Variants in CADPS2 observed in about 807,000 individuals in gnomAD.
CADPS2 encodes the protein calcium dependent secretion activator 2.
In CADPS2, 93 loss-of-function variants were observed where a neutral mutation model predicts 172.5. That is an observed-to-expected ratio of 0.54 (90% CI 0.46 to 0.64). The LOEUF (loss-of-function observed/expected upper bound fraction) is 0.64. Ranked by LOEUF, CADPS2 falls within the 30% of genes least tolerant of loss-of-function variation. CADPS2 has a pLI of 0.00. For missense variants in CADPS2, 1,420 were observed against 1,565.9 expected (o/e 0.91, Z 1.57); for synonymous variants, 546 against 555.2 (o/e 0.98, Z 0.23).
At chr7:122,386,326 G>T in intron 24 of CADPS2, 1 of 1,416,954 alleles carries the variant, frequency 7.1e-7, no homozygotes, top group Non-Finnish European at 9.3e-7. Flanking sequence ...CATGCCATGG[G>T]TGGAAAAAAA....
At chr7:122,519,619 T>C (rs2060628198) in intron 8 of CADPS2, among the ~76,000 whole-genome samples, 1 of 151,984 alleles carries the variant, frequency 6.6e-6, no homozygotes. Context: ...CACAACTGAT[T>C]GCTAGGAAAC....
At chr7:122,732,970 A>T (rs2091830753) in intron 2 of CADPS2, among the ~76,000 whole-genome samples, 1 of 147,030 alleles carries the variant, frequency 6.8e-6, no homozygotes, top group South Asian at 2.2e-4. Context: ...CAGCTAAAGG[A>T]TTGTAAACAT....
intron 1 of CADPS2, among the ~76,000 whole-genome samples, chr7:122,797,617 T>C (rs774996813): frequency 6.6e-6 from 1 of 152,180 alleles, no homozygotes; most frequent in Non-Finnish European, 1.5e-5. Flanking sequence ...AATACCACGT[T>C]ATCATTTATA....
chr7:122,536,678 T>C (rs1347573535), intron 8 of CADPS2, among the ~76,000 whole-genome samples: 10 of 152,066 alleles, frequency 6.6e-5, no homozygotes, highest in African/African-American at 1.4e-4. Context: ...TCTTTTTATA[T>C]GAATGGGATG....
At chr7:122,321,150 CATTG>C (rs910212286) in intron 29 of CADPS2, among the ~76,000 whole-genome samples, 3 of 152,102 alleles carry the variant, frequency 2.0e-5, no homozygotes, top group African/African-American at 7.2e-5. Flanking sequence ...CTTATGTTTA[CATTG>C]ATTGATTGAT....
At chr7:122,778,947 G>A (rs192778585) in intron 1 of CADPS2, among the ~76,000 whole-genome samples, 15 of 152,268 alleles carry the variant, frequency 9.9e-5, no homozygotes, top group African/African-American at 3.4e-4. Context: ...GACCTGGTAG[G>A]AAGTAATTGA....
intron 1 of CADPS2, among the ~76,000 whole-genome samples, chr7:122,768,577 T>C (rs1003091206): frequency 1.3e-5 from 2 of 152,128 alleles, no homozygotes; most frequent in African/African-American, 2.4e-5. Flanking sequence ...ACTTTCTAAA[T>C]TGAAAACAAA....
At chr7:122,672,347 G>A (rs2081953502) in intron 2 of CADPS2, among the ~76,000 whole-genome samples, 1 of 152,140 alleles carries the variant, frequency 6.6e-6, no homozygotes, top group Non-Finnish European at 1.5e-5. Flanking sequence ...TGGGACCCAG[G>A]ATTCTCAGTG....
At chr7:122,814,753 A>C (rs1222442073) in intron 1 of CADPS2, among the ~76,000 whole-genome samples, 4 of 152,120 alleles carry the variant, frequency 2.6e-5, no homozygotes, top group African/African-American at 9.7e-5. Context: ...ACATACATTA[A>C]ATTGAATCCG....
At chr7:122,394,611 G>T (rs1178728669) in intron 20 of CADPS2, among the ~76,000 whole-genome samples, 1 of 151,872 alleles carries the variant, frequency 6.6e-6, no homozygotes, top group Non-Finnish European at 1.5e-5. Context: ...CAGGTAGAGG[G>T]AACAGCTAGC....
intron 6 of CADPS2, among the ~76,000 whole-genome samples, chr7:122,607,080 T>C (rs1047466893): frequency 3.9e-5 from 6 of 152,056 alleles, no homozygotes; most frequent in African/African-American, 9.7e-5. Flanking sequence ...TTCTTCCCCT[T>C]CCTACCAACT....
intron 2 of CADPS2, among the ~76,000 whole-genome samples, chr7:122,725,107 G>C (rs909969040): frequency 6.6e-6 from 1 of 151,976 alleles, no homozygotes; most frequent in Non-Finnish European, 1.5e-5. Flanking sequence ...AATGTAATGT[G>C]ATATGAAAAT....
Position 122,782,498 on chromosome 7 carries a change from C to G in CADPS2, c.340-45430G>C, listed in dbSNP as rs561857133. On this transcript the variant is annotated intron_variant, in intron 1 of 29. Coordinates refer to ENST00000449022, the MANE Select transcript of CADPS2 (RefSeq NM_017954.11). ...TAGTGATGCATGTCTGCGGTCCCAGCTACTCAGGATGCTAAGGTGGGAGAA... is the reference window on the plus strand; with the variant it reads ...TAGTGATGCATGTCTGCGGTCCCAGGTACTCAGGATGCTAAGGTGGGAGAA... Among the ~76,000 whole-genome samples, 156 of 152,300 alleles carry G rather than the reference C, an allele frequency of 1.0e-3. 2 individuals are homozygous for G. The highest frequency in any genetic ancestry group is 1.6e-3 in the Non-Finnish European group (111 of 68,032).
At chr7:122,832,212 A>C (rs761826414) in intron 1 of CADPS2, among the ~76,000 whole-genome samples, 14 of 152,138 alleles carry the variant, frequency 9.2e-5, no homozygotes, top group Non-Finnish European at 1.9e-4. Context: ...TACTTTCTTT[A>C]AAGTATTTTG....
At chr7:122,625,388 C>T (rs1402856560) in intron 4 of CADPS2, among the ~76,000 whole-genome samples, 1 of 152,080 alleles carries the variant, frequency 6.6e-6, no homozygotes, top group African/African-American at 2.4e-5. Flanking sequence ...GGCTATGGTG[C>T]CCAGTTGTTG....
In CADPS2 at chr7:122,388,610, C is replaced by G. The variant is rs1174802398; in HGVS notation, c.3137G>C (p.Ser1046Thr). ...HLEQRLKLMA[S>T]DMLEACVKRT... The stretch of plus-strand genomic sequence containing the variant: ...TTTGACACAGGCCTCTAGCATATCA[C>G]TGGCCATTAGTTTAAGTCTTTGCTC... Residue 1046 changes from serine (S) to threonine (T), a missense_variant, in exon 23 of 30, where the codon AGT becomes ACT. Physicochemically the swap from Ser to Thr is moderately conservative, Grantham distance 58. Transcript: ENST00000449022. The G allele has an allele frequency of 1.2e-6, 2 of 1,605,318 alleles. No individual in the cohort carries two copies. The highest frequency in any genetic ancestry group is 2.7e-5 in the African/African-American group (2 of 74,752).
At chr7:122,389,268 G>A (rs141107663) in intron 22 of CADPS2, among the ~76,000 whole-genome samples, 67 of 152,124 alleles carry the variant, frequency 4.4e-4, no homozygotes, top group African/African-American at 1.6e-3. Context: ...AACGGGCTAG[G>A]TAGGGAAGCA....
chr7:122,564,355 C>G (rs961982731), intron 7 of CADPS2, among the ~76,000 whole-genome samples: 2 of 152,104 alleles, frequency 1.3e-5, no homozygotes, highest in African/African-American at 4.8e-5. Flanking sequence ...CCCAGGCAGG[C>G]TGGAGTGCAG....
intron 1 of CADPS2, among the ~76,000 whole-genome samples, chr7:122,745,937 G>C (rs1345718974): frequency 6.6e-6 from 1 of 152,034 alleles, no homozygotes; most frequent in Admixed American, 6.6e-5. Flanking sequence ...AATAATAAGA[G>C]TTCTGAAGTC....
Sources: gnomAD v4.1 joint callset for allele counts (sites outside exome capture counted in the v4.1 genomes callset) on GRCh38, gnomAD v4.1.1 for gene constraint, MANE v1.5 for transcripts, NCBI Gene and HGNC (gene_info 2026-07-23, HGNC 2026-07-21) for gene names.